The following UBE2E3 variants were observed in gnomAD, a reference collection of about 807,000 sequenced individuals.
UBE2E3 encodes ubiquitin conjugating enzyme E2 E3.
UBE2E3 carries 5 observed loss-of-function variants against 23.6 expected under a neutral mutation model. The ratio of observed to expected loss-of-function variants is 0.21; its 90% CI spans 0.11 to 0.44. The LOEUF (loss-of-function observed/expected upper bound fraction) is 0.44. UBE2E3 is among the 20% of genes least tolerant of loss of function. UBE2E3 has a pLI of 0.99. For synonymous variants in UBE2E3, 78 were observed against 87.5 expected, an observed-to-expected ratio of 0.89 and a Z score of 0.60; for missense variants, 81 against 249.8, an observed-to-expected ratio of 0.32 and a Z score of 4.55.
At position 181,010,315 on chromosome 2, in the gene UBE2E3, C is replaced by G. The variant is rs1287299730; in HGVS notation, c.245+26222C>G. Among the ~76,000 whole-genome samples, 4 of 152,060 alleles carry G rather than the reference C, an allele frequency of 2.6e-5. No individual in the cohort carries two copies. In the East Asian group the frequency reaches 7.7e-4, roughly 29 times the overall value. On this transcript the variant is annotated intron_variant, in intron 3 of 5. Transcript: ENST00000410062. ...ATGTTACTATGATACTATTTCTTGT[C>G]AGTCATATTCTGTATTTTCAATACA...
At chr2:181,054,591 C>A (rs998596476) in intron 3 of UBE2E3, among the ~76,000 whole-genome samples, 7 of 151,748 alleles carry the variant, frequency 4.6e-5, no homozygotes, top group Admixed American at 6.6e-5. Context: ...TGTTCATTTT[C>A]TTTAGTTTTA....
chr2:181,056,812 A>G (rs1687001427), intron 3 of UBE2E3, among the ~76,000 whole-genome samples: 1 of 151,788 alleles, frequency 6.6e-6, no homozygotes, highest in South Asian at 2.1e-4. Context: ...CAGGGAAAAG[A>G]TAGTAACTAA....
At chr2:181,019,302 G>A (rs973940564) in intron 3 of UBE2E3, among the ~76,000 whole-genome samples, 1 of 152,182 alleles carries the variant, frequency 6.6e-6, no homozygotes, top group African/African-American at 2.4e-5. Flanking sequence ...GAAATTCTTA[G>A]TTGATAGACG....
intron 3 of UBE2E3, among the ~76,000 whole-genome samples, chr2:181,019,602 G>C (rs1685608736): frequency 6.6e-6 from 1 of 151,988 alleles, no homozygotes; most frequent in Non-Finnish European, 1.5e-5. Flanking sequence ...TATTTTCATT[G>C]GGGAACACAA....
chr2:181,019,809 A>C (rs988446899), intron 3 of UBE2E3, among the ~76,000 whole-genome samples: 46 of 152,196 alleles, frequency 3.0e-4, no homozygotes, highest in African/African-American at 1.1e-3. Flanking sequence ...TTCACCTTAC[A>C]TACTTACCAT....
intron 3 of UBE2E3, among the ~76,000 whole-genome samples, chr2:181,037,818 A>G (rs1441461695): frequency 6.6e-6 from 1 of 152,074 alleles, no homozygotes; most frequent in East Asian, 1.9e-4. Context: ...AAAATTTAAA[A>G]ATTAGCGGGC....
At chr2:180,985,942 C>T (rs923265101) in intron 3 of UBE2E3, among the ~76,000 whole-genome samples, 16 of 142,082 alleles carry the variant, frequency 1.1e-4, no homozygotes, top group Non-Finnish European at 1.6e-4. Flanking sequence ...TGTTTAACTC[C>T]GGAATGTTTC....
chr2:181,059,079 A>G (rs1304132861), intron 4 of UBE2E3, among the ~76,000 whole-genome samples: 2 of 151,784 alleles, frequency 1.3e-5, no homozygotes, highest in African/African-American at 4.8e-5. Context: ...TATAATGATT[A>G]TAAATTTAGC....
chr2:181,042,501 G>A (rs1331122235), intron 3 of UBE2E3, among the ~76,000 whole-genome samples: 2 of 152,156 alleles, frequency 1.3e-5, no homozygotes, highest in Admixed American at 1.3e-4. Context: ...ATTGAAAGAG[G>A]CAGTAGTCAT....
intron 4 of UBE2E3, among the ~76,000 whole-genome samples, chr2:181,058,054 C>T (rs1412671797): frequency 6.6e-6 from 1 of 151,540 alleles, no homozygotes; most frequent in Non-Finnish European, 1.5e-5. Context: ...AAAACTATAC[C>T]TTGCACATCA....
rs1313349187 is a variant in UBE2E3 at position 180,980,619 on chromosome 2, G to A, written c.-380G>A. ...GCGCTCGCCTCGGAACTTGCTGACT[G>A]CGCGGCCGGGAGGAGCCGAGCCGGG... On this transcript the variant is annotated 5_prime_UTR_variant, in exon 1 of 6. Coordinates refer to ENST00000410062, the MANE Select transcript of UBE2E3 (RefSeq NM_006357.4). This position sits in a 1 kb window ranked among gnomAD's most constrained non-coding sequence, Gnocchi z 5.5. 1 of 147,896 alleles carries A rather than the reference G, an allele frequency of 6.8e-6. No individual in the cohort carries two copies. The highest frequency in any genetic ancestry group is 1.5e-5 in the Non-Finnish European group (1 of 66,208). 9.2% of individuals were successfully genotyped at this position (147,896 alleles called of 1,614,324 possible).
intron 3 of UBE2E3, among the ~76,000 whole-genome samples, chr2:181,047,871 C>G (rs1686718111): frequency 6.6e-6 from 1 of 152,120 alleles, no homozygotes; most frequent in African/African-American, 2.4e-5. Context: ...CTGCCTATTT[C>G]TTTTAATATA....
intron 3 of UBE2E3, among the ~76,000 whole-genome samples, chr2:181,024,959 C>G (rs1293534135): frequency 6.6e-6 from 1 of 151,814 alleles, no homozygotes; most frequent in Non-Finnish European, 1.5e-5. Context: ...AGAACAGTTG[C>G]AAAGGAACTT....
rs1259411473 is a variant in UBE2E3 at position 180,980,616 on chromosome 2, A to C, written c.-383A>C. The C allele has an allele frequency of 6.8e-6, 1 of 147,020 alleles. No homozygotes were observed. The highest frequency in any genetic ancestry group is 1.5e-5 in the Non-Finnish European group (1 of 66,062). The allele number at this position is 147,020 out of a possible 1,614,324, so 9.1% of individuals were successfully genotyped here. ...CCCGCGCTCGCCTCGGAACTTGCTG[A>C]CTGCGCGGCCGGGAGGAGCCGAGCC... On this transcript the variant is annotated 5_prime_UTR_variant, in exon 1 of 6. Transcript: ENST00000410062. This position sits in a 1 kb window ranked among gnomAD's most constrained non-coding sequence, Gnocchi z 5.5.
chr2:181,034,563 A>C (rs1686203775), intron 3 of UBE2E3, among the ~76,000 whole-genome samples: 1 of 152,194 alleles, frequency 6.6e-6, no homozygotes, highest in Non-Finnish European at 1.5e-5. Context: ...GCATTAGGAG[A>C]TACACCTAAT....
intron 3 of UBE2E3, among the ~76,000 whole-genome samples, chr2:181,047,486 A>C (rs1686704883): frequency 6.6e-6 from 1 of 152,078 alleles, no homozygotes; most frequent in Non-Finnish European, 1.5e-5. Context: ...AGTGTATCCA[A>C]AACCAACTTT....
intron 3 of UBE2E3, among the ~76,000 whole-genome samples, chr2:181,053,908 T>G (rs1428863620): frequency 2.0e-5 from 3 of 151,866 alleles, no homozygotes; most frequent in Non-Finnish European, 4.4e-5. Flanking sequence ...TTTCTGTAGT[T>G]TTGCCTCCAG....
intron 3 of UBE2E3, among the ~76,000 whole-genome samples, chr2:181,013,183 T>C (rs1685386230): frequency 6.6e-6 from 1 of 152,100 alleles, no homozygotes; most frequent in South Asian, 2.1e-4. Context: ...AAATACTGAG[T>C]GTTATGATAG....
At chr2:181,054,246 T>G (rs568323638) in intron 3 of UBE2E3, among the ~76,000 whole-genome samples, 2 of 151,964 alleles carry the variant, frequency 1.3e-5, no homozygotes, top group South Asian at 4.1e-4. Context: ...TGGTAAGATA[T>G]GTTTATGTTT....
Sources: allele counts gnomAD v4.1 joint callset (sites outside exome capture counted in the v4.1 genomes callset), GRCh38; gene constraint gnomAD v4.1.1; non-coding constraint Gnocchi (gnomAD v3.1); transcripts MANE v1.5; gene names NCBI Gene and HGNC (gene_info 2026-07-23, HGNC 2026-07-21).